RABGAP1: variants seen among roughly 807,000 people sequenced by gnomAD.
The protein encoded by RABGAP1 is rab GTPase-activating protein 1.
A neutral mutation model predicts 137.6 loss-of-function variants in RABGAP1; 23 were observed. The ratio of observed to expected loss-of-function variants is 0.17; its 90% CI spans 0.12 to 0.24. The LOEUF is 0.24. Among genes scored for constraint, RABGAP1 ranks in the 10% least tolerant of loss-of-function variants. The pLI, the probability that RABGAP1 is intolerant of heterozygous loss-of-function variation, is 1.00. For missense variants in RABGAP1, 906 were observed against 1,275.8 expected (o/e 0.71, Z 4.42); for synonymous variants, 451 against 450.7 (o/e 1.00, Z -0.01).
Position 122,986,204 on chromosome 9 carries a change from G to GT in RABGAP1, c.386-8dup. 6.2e-7 allele frequency: 1 copy of GT among 1,609,598 alleles called. No homozygotes were observed. Among genetic ancestry groups the GT allele is most frequent in the Non-Finnish European group, 8.5e-7 (1 of 1,176,614 alleles). On this transcript the variant is annotated splice_polypyrimidine_tract_variant and intron_variant, in intron 3 of 25. Transcript: ENST00000373647. ...GAAAGTAATCACTTCCTTATTCATT[G>GT]TTTCTTTCAGATTCTGAAGCTTCAA...
chr9:123,032,152 G>C (rs143565809), intron 13 of RABGAP1, among the ~76,000 whole-genome samples: 75 of 152,306 alleles, frequency 4.9e-4, no homozygotes, highest in Admixed American at 1.1e-3. Flanking sequence ...GGCTCTTAAG[G>C]AAGGCTACTT....
At chr9:122,967,736 C>T (rs201893208) in intron 2 of RABGAP1, among the ~76,000 whole-genome samples, 1 of 130,782 alleles carries the variant, frequency 7.6e-6, no homozygotes, top group African/African-American at 2.8e-5. Flanking sequence ...GTCTTTTTTT[C>T]CTGAAAAAAA....
At chr9:122,987,631 G>A (rs913894508) in intron 4 of RABGAP1, among the ~76,000 whole-genome samples, 2 of 151,930 alleles carry the variant, frequency 1.3e-5, no homozygotes, top group African/African-American at 2.4e-5. Context: ...ATATGAATGG[G>A]TTATAAATAA....
intron 21 of RABGAP1, among the ~76,000 whole-genome samples, chr9:123,091,767 A>T (rs2035039146): frequency 6.6e-6 from 1 of 152,110 alleles, no homozygotes; most frequent in African/African-American, 2.4e-5. Context: ...ATTAGCCCTC[A>T]ATGACCAGAA....
At chr9:123,005,154 A>C (rs2030118048) in intron 10 of RABGAP1, among the ~76,000 whole-genome samples, 1 of 151,792 alleles carries the variant, frequency 6.6e-6, no homozygotes, top group Non-Finnish European at 1.5e-5. Flanking sequence ...TTGTCCTTTG[A>C]ATATGTTTCA....
intron 19 of RABGAP1, among the ~76,000 whole-genome samples, chr9:123,088,726 C>T (rs2034946535): frequency 6.6e-6 from 1 of 152,054 alleles, no homozygotes; most frequent in Admixed American, 6.5e-5. Context: ...GGTATGTTGC[C>T]CTTGGTTATA....
chr9:122,977,995 C>A (rs1835853256), intron 2 of RABGAP1, among the ~76,000 whole-genome samples: 1 of 152,112 alleles, frequency 6.6e-6, no homozygotes. Context: ...GGAAATCATA[C>A]TTTTTCTGTT....
chr9:123,090,946 A>G (rs1224116472), intron 21 of RABGAP1, among the ~76,000 whole-genome samples: 1 of 152,234 alleles, frequency 6.6e-6, no homozygotes, highest in Non-Finnish European at 1.5e-5. Context: ...CTTAGAAGAA[A>G]TGGTATAATC....
chr9:122,943,680 G>A (rs1306466631), intron 1 of RABGAP1, among the ~76,000 whole-genome samples: 2 of 152,102 alleles, frequency 1.3e-5, no homozygotes, highest in Non-Finnish European at 2.9e-5. Context: ...TTGGCTGGGC[G>A]CGGTGGCTCA....
chr9:122,942,533 A>G (rs1833641676), intron 1 of RABGAP1, among the ~76,000 whole-genome samples: 1 of 151,998 alleles, frequency 6.6e-6, no homozygotes, highest in Non-Finnish European at 1.5e-5. Context: ...AGACGGGCGT[A>G]GTGGCAGGCG....
Position 123,090,381 on chromosome 9 carries a change from A to G in RABGAP1, c.2624A>G (p.Asp875Gly), listed in dbSNP as rs1225837407. ...TSKIALRKDL[D>G]NAEEKADALN... Reference sequence around the variant, plus strand: ...AAGATTGCACTACGGAAGGACCTGGATAACGTAAGTCCAACGGGTCTGAAG... The same window carrying G: ...AAGATTGCACTACGGAAGGACCTGGGTAACGTAAGTCCAACGGGTCTGAAG... The change falls in exon 21 of 26, where the codon GAT becomes GGT. Residue 875 changes from aspartate to glycine, a missense_variant. Asp to Gly is a moderately conservative substitution (Grantham distance 94). This residue lies in a region of RABGAP1 where 193 missense variants were observed against 248.1 expected (regional missense o/e 0.78). Transcript: ENST00000373647. The G allele has an allele frequency of 6.2e-7, 1 of 1,607,000 alleles. No homozygotes were observed.
intron 10 of RABGAP1, among the ~76,000 whole-genome samples, chr9:123,003,328 A>G (rs1481365686): frequency 2.0e-5 from 3 of 152,234 alleles, no homozygotes; most frequent in Non-Finnish European, 4.4e-5. Flanking sequence ...ATGGGATGTT[A>G]TATGAACAAA....
At chr9:123,023,864 A>G (rs1232202149) in intron 13 of RABGAP1, among the ~76,000 whole-genome samples, 1 of 152,136 alleles carries the variant, frequency 6.6e-6, no homozygotes, top group Non-Finnish European at 1.5e-5. Context: ...GAAATTTTAC[A>G]TATAATATTA....
chr9:122,955,497 T>C (rs1182090045), intron 1 of RABGAP1, among the ~76,000 whole-genome samples: 1 of 152,232 alleles, frequency 6.6e-6, no homozygotes, highest in Non-Finnish European at 1.5e-5. Flanking sequence ...TAATAGCTGT[T>C]AAGCAGGGGA....
intron 13 of RABGAP1, among the ~76,000 whole-genome samples, chr9:123,064,318 A>G (rs1449216307): frequency 6.6e-6 from 1 of 152,216 alleles, no homozygotes; most frequent in Non-Finnish European, 1.5e-5. Flanking sequence ...TTTGAAAAGC[A>G]ATTTGGCGAC....
At chr9:123,011,911 C>T (rs1428547611) in intron 11 of RABGAP1, among the ~76,000 whole-genome samples, 1 of 152,100 alleles carries the variant, frequency 6.6e-6, no homozygotes, top group Admixed American at 6.6e-5. Context: ...GCCAAGGCTG[C>T]GCCATTTGCA....
At chr9:123,100,890 T>G (rs1443101149) in intron 24 of RABGAP1, among the ~76,000 whole-genome samples, 2 of 152,252 alleles carry the variant, frequency 1.3e-5, no homozygotes, top group Admixed American at 6.5e-5. Flanking sequence ...CTTTGTTCAG[T>G]GTTTAACGTC....
At chr9:123,080,335 CT>C (rs2034667570) in intron 19 of RABGAP1, among the ~76,000 whole-genome samples, 1 of 152,138 alleles carries the variant, frequency 6.6e-6, no homozygotes, top group African/African-American at 2.4e-5. Flanking sequence ...ATGTTTCCCC[CT>C]ATTTGCACAT....
chr9:122,954,791 A>G (rs560709014), intron 1 of RABGAP1, among the ~76,000 whole-genome samples: 2 of 152,350 alleles, frequency 1.3e-5, no homozygotes, highest in South Asian at 4.1e-4. Context: ...ATCGAGTGGA[A>G]AGAGTATAGC....
Sources: gnomAD v4.1 joint callset for allele counts (sites outside exome capture counted in the v4.1 genomes callset) on GRCh38, gnomAD v4.1.1 for gene constraint, gnomAD v4.1.1 regional missense constraint, MANE v1.5 for transcripts, NCBI Gene and HGNC (gene_info 2026-07-23, HGNC 2026-07-21) for gene names.